The following DISP3 variants were observed in gnomAD, a reference collection of about 807,000 sequenced individuals.
DISP3 encodes dispatched RND transporter family member 3.
A neutral mutation model predicts 135.3 loss-of-function variants in DISP3; 101 were observed. The ratio of observed to expected loss-of-function variants is 0.75; its 90% CI spans 0.64 to 0.88. DISP3 has a LOEUF of 0.88. DISP3 is among the 40% of genes least tolerant of loss of function. The pLI is 0.00. For synonymous variants in DISP3, 856 were observed against 817.0 expected, an observed-to-expected ratio of 1.05 and a Z score of -0.81; for missense variants, 1,713 against 1,878.6, an observed-to-expected ratio of 0.91 and a Z score of 1.63.
At chr1:11,485,832 G>A (rs1641023525) in intron 1 of DISP3, among the ~76,000 whole-genome samples, 1 of 152,212 alleles carries the variant, frequency 6.6e-6, no homozygotes, top group African/African-American at 2.4e-5. Flanking sequence ...AATGTGAAGT[G>A]CAGAGAGTCT....
intron 12 of DISP3, among the ~76,000 whole-genome samples, chr1:11,525,610 C>A (rs1351008104): frequency 6.6e-6 from 1 of 152,230 alleles, no homozygotes; most frequent in Non-Finnish European, 1.5e-5. Context: ...CATGGGGATG[C>A]AACAAGCACC....
chr1:11,523,889 C>G (rs1642328323), intron 10 of DISP3, 53 bp from the exon 11 acceptor site: 1 of 1,482,840 alleles, frequency 6.7e-7, no homozygotes, highest in African/African-American at 1.4e-5. Context: ...CCATCGGGCC[C>G]AGGCCAGGAT....
rs897572238 is a variant in DISP3, at chr1:11,483,962, C to T, written c.-4+4590C>T. Among the ~76,000 whole-genome samples the T allele has an allele frequency of 6.6e-6, 1 of 152,206 alleles. No homozygotes were observed. Among genetic ancestry groups the T allele is most frequent in the Non-Finnish European group, 1.5e-5 (1 of 68,038 alleles). On this transcript the variant is annotated intron_variant, in intron 1 of 20. Transcript: ENST00000294484. The surrounding 1 kb of genome is among the most constrained non-coding windows in gnomAD (Gnocchi z 5.4). ...CTCAGAATCCCAGGCCAGGGATCTT[C>T]CCAGGCAGCCGGACTGGCTTCCTTG...
At position 11,500,992 on chromosome 1, in the gene DISP3, T is replaced by G; in HGVS notation, c.-1T>G. ...CTGACCCTCTCCCTCTCCTGCAGAC[T>G]ATGGACACGGAGGATGACCCCTTGC... is the stretch of plus-strand genomic sequence containing the variant. On this transcript the variant is annotated splice_region_variant and 5_prime_UTR_variant, in exon 2 of 21. Coordinates refer to ENST00000294484, the MANE Select transcript of DISP3 (RefSeq NM_020780.2). 1 of 1,613,768 alleles carries G rather than the reference T, an allele frequency of 6.2e-7. No individual in the cohort carries two copies. The highest frequency in any genetic ancestry group is 8.5e-7 in the Non-Finnish European group (1 of 1,179,938).
chr1:11,514,406 T>TA lies in DISP3; in HGVS notation c.1334dup (p.Tyr445Ter). Reference protein sequence around the residue: ...KQSTSKVQVLYGGTDLFDYEV... With the variant: ...KQSTSKVQVL ...TTCCCCCAGCAAAGTCCAGGTTCTC[T>TA]ATGGGGGGACAGACCTGTTTGACTA... The change falls in exon 4 of 21, where the codon TAT (tyrosine) becomes TAAT (stop). Residue 445 changes from tyrosine to a stop codon, truncating the protein, a stop_gained and frameshift_variant. Transcript: ENST00000294484. LOFTEE classifies it high-confidence loss of function. 2 of 1,612,822 alleles carry TA rather than the reference T, an allele frequency of 1.2e-6. No homozygotes were observed. The highest frequency in any genetic ancestry group is 1.7e-6 in the Non-Finnish European group (2 of 1,178,774).
chr1:11,525,539 A>G (rs1442558982), intron 12 of DISP3, among the ~76,000 whole-genome samples: 1 of 105,530 alleles, frequency 9.5e-6, no homozygotes, highest in African/African-American at 2.5e-5. Context: ...TCTGCCATTT[A>G]TTAACTGTGT....
Position 11,501,218 on chromosome 1 carries a change from C to T in DISP3, c.226C>T (p.Leu76=). ...WAFTNPCCAG[L]VLFLGCSIPM... ...CTTCACCAATCCGTGCTGTGCTGGG[C>T]TGGTGCTCTTCCTGGGCTGCAGCAT... Residue 76 remains leucine (L), a synonymous_variant, in exon 2 of 21, where the codon CTG becomes TTG. Transcript: ENST00000294484. This position sits in a 1 kb window ranked among gnomAD's most constrained non-coding sequence, Gnocchi z 4.9. The T allele has an allele frequency of 7.4e-6, 12 of 1,614,206 alleles. No individual in the cohort carries two copies. The highest frequency in any genetic ancestry group is 1.0e-5 in the Non-Finnish European group (12 of 1,180,038).
intron 15 of DISP3, 74 bp from the exon 16 acceptor site, chr1:11,530,833 T>C (rs995118056): frequency 3.2e-6 from 5 of 1,573,018 alleles, no homozygotes; most frequent in Middle Eastern, 1.7e-4. Context: ...TGCCCCAGGG[T>C]TGGGGGTGAG....
Position 11,535,633 on chromosome 1 carries a change from C to T in DISP3, c.3805C>T (p.His1269Tyr), listed in dbSNP as rs374112927. ...YLLAGENLPP[H>Y]QAEDARTQRQ... ...GCTGGCTGGAGAGAACCTGCCCCCC[C>T]ACCAGGCCGAGGTGCGCACCCTGCC... is the stretch of plus-strand genomic sequence containing the variant. The change falls in exon 20 of 21, where the codon CAC becomes TAC. Residue 1269 changes from histidine (H) to tyrosine (Y), a missense_variant. Coordinates refer to ENST00000294484, the MANE Select transcript of DISP3 (RefSeq NM_020780.2). 4.3e-5 allele frequency: 70 copies of T among 1,612,154 alleles called. 1 individual carries two copies. The highest frequency in any genetic ancestry group is 4.0e-4 in the South Asian group (36 of 91,024).
At chr1:11,535,211 T>C (rs1036820729) in intron 19 of DISP3, 87 bp downstream of exon 19, 2 of 1,264,798 alleles carry the variant, frequency 1.6e-6, no homozygotes, top group Non-Finnish European at 2.2e-6. Context: ...CCTCCAGGCC[T>C]CTGAACCTTT....
chr1:11,512,953 C>T (rs1302436557), intron 3 of DISP3, among the ~76,000 whole-genome samples: 2 of 152,046 alleles, frequency 1.3e-5, no homozygotes, highest in African/African-American at 2.4e-5. Flanking sequence ...CATCAGATCT[C>T]GTGAGACTTA....
intron 3 of DISP3, among the ~76,000 whole-genome samples, chr1:11,512,478 CAT>C (rs1286533339): frequency 6.6e-6 from 1 of 152,204 alleles, no homozygotes; most frequent in Non-Finnish European, 1.5e-5. Flanking sequence ...TTTGCTAAAA[CAT>C]AACAAGAGTC....
chr1:11,500,701 A>T (rs1365182594), intron 1 of DISP3, among the ~76,000 whole-genome samples: 2 of 152,192 alleles, frequency 1.3e-5, no homozygotes, highest in Non-Finnish European at 2.9e-5. Flanking sequence ...TCACCCCAGG[A>T]GAAACATCTT....
At chr1:11,496,537 AC>A (rs1406467614) in intron 1 of DISP3, among the ~76,000 whole-genome samples, 1 of 152,180 alleles carries the variant, frequency 6.6e-6, no homozygotes, top group African/African-American at 2.4e-5. Context: ...AATGACAGCT[AC>A]TACAGGAACC....
intron 3 of DISP3, among the ~76,000 whole-genome samples, chr1:11,508,725 T>G (rs1641774067): frequency 6.6e-6 from 1 of 152,198 alleles, no homozygotes; most frequent in African/African-American, 2.4e-5. Flanking sequence ...CAATGTGAGG[T>G]AAGCACATCA....
intron 12 of DISP3, 129 bp downstream of exon 12, chr1:11,525,441 C>G: frequency 8.5e-7 from 1 of 1,171,250 alleles, no homozygotes; most frequent in South Asian, 1.7e-5. Flanking sequence ...ACCCCCCTCC[C>G]CTAAACCAGC....
At chr1:11,534,819 C>T (rs766410105) in intron 18 of DISP3, 192 bp from the exon 19 acceptor site, 1 of 773,744 alleles carries the variant, frequency 1.3e-6, no homozygotes, top group Non-Finnish European at 2.2e-6. Context: ...TCCTAGGTGC[C>T]TAGGCTCCGG....
At position 11,502,095 on chromosome 1, in the gene DISP3, C is replaced by G; in HGVS notation, c.1096+7C>G. The stretch of plus-strand genomic sequence containing the variant: ...GACCTGGCGGACATCCGGGGTGAGC[C>G]GCCGGGATGCTGGGAGGGGGCGTAG... On this transcript the variant is annotated splice_region_variant and intron_variant, in intron 2 of 20. Coordinates refer to ENST00000294484, the MANE Select transcript of DISP3 (RefSeq NM_020780.2). 1 of 1,539,670 alleles carries G rather than the reference C, an allele frequency of 6.5e-7. No individual in the cohort carries two copies. Among genetic ancestry groups the G allele is most frequent in the Non-Finnish European group, 8.7e-7 (1 of 1,144,172 alleles).
intron 2 of DISP3, 28 bp from the exon 3 acceptor site, chr1:11,502,650 C>T (rs375368424): frequency 1.3e-6 from 2 of 1,598,894 alleles, no homozygotes; most frequent in African/African-American, 2.7e-5. Context: ...CAGCTGAACT[C>T]TTGGGGCCCC....
Sources: gnomAD v4.1 joint callset for allele counts (sites outside exome capture counted in the v4.1 genomes callset) on GRCh38, gnomAD v4.1.1 for gene constraint, Gnocchi (gnomAD v3.1) non-coding constraint, MANE v1.5 for transcripts, NCBI Gene and HGNC (gene_info 2026-07-23, HGNC 2026-07-21) for gene names.